SYNPR: variants seen among roughly 807,000 people sequenced by gnomAD.
The protein encoded by SYNPR is synaptoporin.
In SYNPR, 23 loss-of-function variants were observed where a neutral mutation model predicts 32.9. The observed-to-expected ratio is 0.70, with a 90% CI of 0.50 to 0.99. The LOEUF is 0.99. Ranked by LOEUF, SYNPR falls within the 50% of genes least tolerant of loss-of-function variation. The probability of loss-of-function intolerance (pLI) is 0.00; values close to 1 mark genes in which losing one functional copy is unlikely to be tolerated. For missense variants in SYNPR, 318 were observed against 349.3 expected (o/e 0.91, Z 0.71); for synonymous variants, 146 against 135.9 (o/e 1.07, Z -0.52).
At chr3:63,422,323 T>C (rs867065169) in intron 2 of SYNPR, among the ~76,000 whole-genome samples, 4 of 152,220 alleles carry the variant, frequency 2.6e-5, no homozygotes. Flanking sequence ...GAAATGTCAA[T>C]TGGTTTTCCT....
At chr3:63,443,056 G>A in intron 2 of SYNPR, 1 of 1,010,614 alleles carries the variant, frequency 9.9e-7, no homozygotes, top group Non-Finnish European at 1.2e-6. Flanking sequence ...TGCCTCTGTT[G>A]GTGATGCAGC....
intron 2 of SYNPR, among the ~76,000 whole-genome samples, chr3:63,348,690 T>C (rs376395487): frequency 1.3e-5 from 2 of 152,336 alleles, no homozygotes; most frequent in African/African-American, 4.8e-5. Context: ...TGATCCATCT[T>C]CAATTCGTTT....
In SYNPR at chr3:63,386,434, C is replaced by T. The variant is rs897043887; in HGVS notation, c.85-94398C>T. The stretch of plus-strand genomic sequence containing the variant: ...TCTGGAGTAATGAAAAGGTGTCTGC[C>T]TTCCTCATCAACAAGCTTTGTTGGA... On this transcript the variant is annotated intron_variant, in intron 2 of 5. Transcript: ENST00000478300. 2.6e-5 allele frequency among the ~76,000 whole-genome samples: 4 copies of T among 152,208 alleles called. No homozygotes were observed. The South Asian group carries it at 8.3e-4, about 32-fold the overall frequency.
chr3:63,418,677 G>A (rs956829204), intron 2 of SYNPR, among the ~76,000 whole-genome samples: 2 of 152,190 alleles, frequency 1.3e-5, no homozygotes, highest in African/African-American at 4.8e-5. Context: ...CATGGCAGCA[G>A]GCAGAGAGTT....
chr3:63,539,765 T>G (rs574917194), intron 3 of SYNPR, among the ~76,000 whole-genome samples: 2 of 152,282 alleles, frequency 1.3e-5, no homozygotes, highest in South Asian at 2.1e-4. Flanking sequence ...AAAGTTTGCA[T>G]TAATGAGCAG....
At chr3:63,488,888 G>A (rs1038030500) in intron 3 of SYNPR, among the ~76,000 whole-genome samples, 3 of 152,094 alleles carry the variant, frequency 2.0e-5, no homozygotes, top group Admixed American at 2.0e-4. Context: ...AATGAAAAAA[G>A]TTAGTGAATG....
chr3:63,399,164 T>C (rs544476077), intron 2 of SYNPR, among the ~76,000 whole-genome samples: 34 of 152,294 alleles, frequency 2.2e-4, no homozygotes, highest in Middle Eastern at 3.4e-3. Context: ...TTGCACCATT[T>C]AAGATTCAAA....
chr3:63,493,734 T>C (rs1701301292), intron 3 of SYNPR, among the ~76,000 whole-genome samples: 1 of 144,396 alleles, frequency 6.9e-6, no homozygotes, highest in South Asian at 2.2e-4. Context: ...GAGAATCACT[T>C]GAACCCAGAA....
At chr3:63,378,546 T>C (rs556107943) in intron 2 of SYNPR, among the ~76,000 whole-genome samples, 12 of 152,220 alleles carry the variant, frequency 7.9e-5, no homozygotes, top group African/African-American at 2.9e-4. Context: ...TTTTGATAAC[T>C]ATGAGTATGT....
At chr3:63,270,346 G>A (rs2086523920) in intron 3 of SYNPR, among the ~76,000 whole-genome samples, 1 of 152,118 alleles carries the variant, frequency 6.6e-6, no homozygotes, top group Non-Finnish European at 1.5e-5. Flanking sequence ...CACTCCTTAA[G>A]ATATTTTGAA....
At chr3:63,417,373 C>T (rs1011436602) in intron 2 of SYNPR, among the ~76,000 whole-genome samples, 2 of 152,248 alleles carry the variant, frequency 1.3e-5, no homozygotes, top group Non-Finnish European at 2.9e-5. Flanking sequence ...GGTGCAGCCT[C>T]CCTCCTGGCT....
intron 2 of SYNPR, among the ~76,000 whole-genome samples, chr3:63,423,171 A>G (rs991379777): frequency 3.3e-5 from 5 of 152,224 alleles, no homozygotes; most frequent in African/African-American, 1.2e-4. Context: ...TTTGGGAGAA[A>G]AGGGAATAAA....
At chr3:63,373,146 C>G (rs1410510452) in intron 2 of SYNPR, among the ~76,000 whole-genome samples, 1 of 152,154 alleles carries the variant, frequency 6.6e-6, no homozygotes, top group Non-Finnish European at 1.5e-5. Context: ...AGTGCAATAA[C>G]TCTGGCAGCT....
rs370286708 is a variant in SYNPR, at chr3:63,529,907, T to A, written c.210-26636T>A. Among the ~76,000 whole-genome samples the A allele has an allele frequency of 3.4e-4, 52 of 152,196 alleles. 1 individual carries two copies. The South Asian group carries it at 5.4e-3, about 16-fold the overall frequency. ...TTGGGAGTCACTCATCCACCATTAGTTAGTGGTAGGGATGAGGGGATGTGG... is the reference window on the plus strand; with the variant it reads ...TTGGGAGTCACTCATCCACCATTAGATAGTGGTAGGGATGAGGGGATGTGG... On this transcript the variant is annotated intron_variant, in intron 3 of 5. Transcript: ENST00000478300.
intron 2 of SYNPR, among the ~76,000 whole-genome samples, chr3:63,370,224 G>C (rs1402257316): frequency 1.3e-5 from 2 of 152,150 alleles, no homozygotes; most frequent in Non-Finnish European, 2.9e-5. Flanking sequence ...CTTCCCTAGG[G>C]GAGGCAGTTC....
chr3:63,288,296 A>T (rs2086705449), intron 2 of SYNPR, among the ~76,000 whole-genome samples: 1 of 152,244 alleles, frequency 6.6e-6, no homozygotes, highest in Non-Finnish European at 1.5e-5. Context: ...AGCAGCGATC[A>T]TGACGATCCT....
chr3:63,346,066 C>T (rs185848028), intron 2 of SYNPR, among the ~76,000 whole-genome samples: 1 of 152,312 alleles, frequency 6.6e-6, no homozygotes, highest in Non-Finnish European at 1.5e-5. Context: ...CCTTCTGTCT[C>T]AGCCTCCCAA....
intron 2 of SYNPR, among the ~76,000 whole-genome samples, chr3:63,414,572 A>G (rs2088514548): frequency 6.6e-6 from 1 of 152,232 alleles, no homozygotes; most frequent in African/African-American, 2.4e-5. Context: ...TTGATTGCAA[A>G]AACTTTCAGA....
At chr3:63,339,094 G>A (rs1408963882) in intron 2 of SYNPR, among the ~76,000 whole-genome samples, 4 of 152,142 alleles carry the variant, frequency 2.6e-5, no homozygotes, top group Non-Finnish European at 1.5e-5. Context: ...TGATACACTG[G>A]TGCTTTGATA....
Sources: allele counts gnomAD v4.1 joint callset (sites outside exome capture counted in the v4.1 genomes callset), GRCh38; gene constraint gnomAD v4.1.1; transcripts MANE v1.5; gene names NCBI Gene and HGNC (gene_info 2026-07-23, HGNC 2026-07-21).